COL28A1: variants seen among roughly 807,000 people sequenced by gnomAD.
COL28A1 encodes the protein collagen type XXVIII alpha 1 chain.
COL28A1 carries 161 observed loss-of-function variants against 150.2 expected under a neutral mutation model. The ratio of observed to expected loss-of-function variants is 1.07; its 90% CI spans 0.94 to 1.22. The LOEUF is 1.22. Ranked by LOEUF, COL28A1 falls within the 50% of genes most tolerant of loss-of-function variation. The pLI, the probability that COL28A1 is intolerant of heterozygous loss-of-function variation, is 0.00. For synonymous variants in COL28A1, 552 were observed against 469.7 expected (o/e 1.18, Z -2.26); for missense variants, 1,617 against 1,388.3 (o/e 1.16, Z -2.62).
intron 26 of COL28A1, among the ~76,000 whole-genome samples, chr7:7,419,324 T>G (rs1221633100): frequency 6.6e-6 from 1 of 152,136 alleles, no homozygotes; most frequent in Non-Finnish European, 1.5e-5. Flanking sequence ...TGCCACATGT[T>G]CTCTGAAGCC....
chr7:7,455,569 T>G (rs776616944), intron 16 of COL28A1, among the ~76,000 whole-genome samples: 2 of 152,220 alleles, frequency 1.3e-5, no homozygotes, highest in Non-Finnish European at 2.9e-5. Context: ...TAAGTGGTTA[T>G]CTCTGATCCT....
chr7:7,340,678 T>C, the COL28A1 span, among the ~76,000 whole-genome samples: 1 of 152,070 alleles, frequency 6.6e-6, no homozygotes, highest in Non-Finnish European at 1.5e-5. Context: ...AAGATCTTGA[T>C]TCATCTCTAA....
At chr7:7,341,884 A>T in the COL28A1 span, among the ~76,000 whole-genome samples, 1 of 152,046 alleles carries the variant, frequency 6.6e-6, no homozygotes, top group Non-Finnish European at 1.5e-5. Flanking sequence ...CATTTTGTAA[A>T]TATTTCATTT....
At chr7:7,378,734 C>T (rs982191139) in intron 30 of COL28A1, among the ~76,000 whole-genome samples, 7 of 152,080 alleles carry the variant, frequency 4.6e-5, no homozygotes, top group Non-Finnish European at 8.8e-5. Flanking sequence ...TGACTTTGGG[C>T]GTAATGTCCA....
chr7:7,379,978 C>T lies in COL28A1; in HGVS notation c.2322+682G>A, dbSNP rs576886674. Among the ~76,000 whole-genome samples, 11 of 152,240 alleles carry T rather than the reference C, an allele frequency of 7.2e-5. No individual in the cohort carries two copies. In the East Asian group the frequency reaches 1.9e-3, roughly 27 times the overall value. ...TGCCACTCCCTCACACTTGGATGTTCCTAGTACATCGAATCAGCCCCGCTA... is the reference window on the plus strand; with the variant it reads ...TGCCACTCCCTCACACTTGGATGTTTCTAGTACATCGAATCAGCCCCGCTA... On this transcript the variant is annotated intron_variant, in intron 30 of 34. Transcript: ENST00000399429.
At chr7:7,377,089 T>C (rs1048352688) in intron 30 of COL28A1, among the ~76,000 whole-genome samples, 8 of 152,224 alleles carry the variant, frequency 5.3e-5, no homozygotes, top group African/African-American at 1.9e-4. Flanking sequence ...TTGTGCAATC[T>C]GTGTATGTTC....
At chr7:7,366,445 G>C (rs1483361703) in intron 33 of COL28A1, among the ~76,000 whole-genome samples, 1 of 152,142 alleles carries the variant, frequency 6.6e-6, no homozygotes, top group African/African-American at 2.4e-5. Flanking sequence ...TTCTAGATCA[G>C]TTAGGAATAT....
intron 20 of COL28A1, 73 bp from the exon 21 acceptor site, chr7:7,440,934 A>G: frequency 1.3e-6 from 1 of 760,224 alleles, no homozygotes; most frequent in Non-Finnish European, 2.4e-6. Context: ...CAAGGACCAT[A>G]GCGGAGCCGG....
the COL28A1 span, among the ~76,000 whole-genome samples, chr7:7,343,487 GTTAAT>G: frequency 6.6e-6 from 1 of 151,968 alleles, no homozygotes; most frequent in African/African-American, 2.4e-5. Context: ...ATAATCGGCT[GTTAAT>G]TTATGTGTTA....
chr7:7,479,010 G>T (rs1175796053), intron 13 of COL28A1, among the ~76,000 whole-genome samples: 2 of 152,224 alleles, frequency 1.3e-5, no homozygotes, highest in Non-Finnish European at 2.9e-5. Flanking sequence ...TGGGCTGAAG[G>T]GCTCCTCAAG....
chr7:7,525,545 TAGAA>T (rs1781978358), intron 3 of COL28A1, among the ~76,000 whole-genome samples: 1 of 152,124 alleles, frequency 6.6e-6, no homozygotes, highest in African/African-American at 2.4e-5. Flanking sequence ...TACGATAAAA[TAGAA>T]AGATGAAGGA....
the COL28A1 span, among the ~76,000 whole-genome samples, chr7:7,348,107 AGTG>A: frequency 6.6e-6 from 1 of 152,124 alleles, no homozygotes; most frequent in African/African-American, 2.4e-5. Flanking sequence ...GACAGGACTC[AGTG>A]AGTTATAGAA....
chr7:7,369,698 G>A (rs1011320676), intron 33 of COL28A1, among the ~76,000 whole-genome samples: 2 of 152,294 alleles, frequency 1.3e-5, no homozygotes, highest in South Asian at 4.2e-4. Flanking sequence ...CCTTAGGAAT[G>A]GTATCCTAGG....
the COL28A1 span, among the ~76,000 whole-genome samples, chr7:7,340,833 C>G: frequency 2.0e-5 from 3 of 152,030 alleles, no homozygotes; most frequent in South Asian, 6.2e-4. Flanking sequence ...ATTTGCACAC[C>G]AACTGGGCAT....
chr7:7,433,676 A>G (rs185965089), intron 23 of COL28A1, among the ~76,000 whole-genome samples: 7,921 of 151,642 alleles, frequency 0.052, 267 homozygotes, highest in Middle Eastern at 0.16. Flanking sequence ...CAAGTCCATT[A>G]CACTTTTATT....
At chr7:7,367,065 A>G (rs1478873895) in intron 33 of COL28A1, among the ~76,000 whole-genome samples, 1 of 152,222 alleles carries the variant, frequency 6.6e-6, no homozygotes, top group Non-Finnish European at 1.5e-5. Flanking sequence ...TCCGATTATA[A>G]TACTGTATTT....
chr7:7,388,919 G>C (rs1249107826), intron 27 of COL28A1, among the ~76,000 whole-genome samples: 1 of 152,080 alleles, frequency 6.6e-6, no homozygotes, highest in East Asian at 1.9e-4. Flanking sequence ...TGGATAGATA[G>C]CAAAAATTTT....
At chr7:7,456,212 T>A in intron 15 of COL28A1, 100 bp from the exon 16 acceptor site, 1 of 1,396,042 alleles carries the variant, frequency 7.2e-7, no homozygotes, top group Non-Finnish European at 9.5e-7. Flanking sequence ...TCTATCTTTA[T>A]ACTATAAAAA....
intron 3 of COL28A1, among the ~76,000 whole-genome samples, chr7:7,530,566 C>G (rs1782291904): frequency 6.6e-6 from 1 of 152,260 alleles, no homozygotes; most frequent in South Asian, 2.1e-4. Context: ...CTCAGCCAAT[C>G]AACCAATTTA....
Sources: allele counts gnomAD v4.1 joint callset (sites outside exome capture counted in the v4.1 genomes callset), GRCh38; gene constraint gnomAD v4.1.1; transcripts MANE v1.5; gene names NCBI Gene and HGNC (gene_info 2026-07-23, HGNC 2026-07-21).